Variants in MGAT4A observed in about 807,000 individuals in gnomAD.
The protein encoded by MGAT4A is N-acetylglucosaminyltransferase IVa.
MGAT4A carries 33 observed loss-of-function variants against 74.1 expected under a neutral mutation model. The ratio of observed to expected loss-of-function variants is 0.45; its 90% CI spans 0.34 to 0.60. MGAT4A has a LOEUF of 0.60. MGAT4A is among the 20% of genes least tolerant of loss of function. The pLI, the probability that MGAT4A is intolerant of heterozygous loss-of-function variation, is 0.02. For synonymous variants in MGAT4A, 198 were observed against 210.4 expected (o/e 0.94, Z 0.51); for missense variants, 479 against 628.3 (o/e 0.76, Z 2.54).
At chr2:98,656,934 G>A (rs1415357554) in intron 6 of MGAT4A, among the ~76,000 whole-genome samples, 1 of 152,200 alleles carries the variant, frequency 6.6e-6, no homozygotes, top group Non-Finnish European at 1.5e-5. Flanking sequence ...CTCAACCAGT[G>A]TTTCTCAACT....
At chr2:98,716,047 G>A (rs760291678) in intron 2 of MGAT4A, among the ~76,000 whole-genome samples, 4 of 152,166 alleles carry the variant, frequency 2.6e-5, no homozygotes, top group South Asian at 2.1e-4. Flanking sequence ...GCCAGGGTGC[G>A]GTGGCTCATG....
At chr2:98,661,942 A>G (rs957207430) in intron 5 of MGAT4A, among the ~76,000 whole-genome samples, 1 of 152,086 alleles carries the variant, frequency 6.6e-6, no homozygotes, top group African/African-American at 2.4e-5. Context: ...AGAAAATATC[A>G]GATAAATCCA....
chr2:98,660,065 C>T (rs6743739), intron 5 of MGAT4A, among the ~76,000 whole-genome samples: 3 of 42,278 alleles, frequency 7.1e-5, no homozygotes, highest in Non-Finnish European at 3.9e-5. Flanking sequence ...ATACAAACAT[C>T]GGTAGCATTT....
intron 8 of MGAT4A, among the ~76,000 whole-genome samples, chr2:98,647,647 A>G (rs1701513539): frequency 6.6e-6 from 1 of 152,120 alleles, no homozygotes; most frequent in Non-Finnish European, 1.5e-5. Flanking sequence ...GCGCTACCGT[A>G]AGACTTACTC....
In MGAT4A at chr2:98,667,368, T is replaced by A. The variant is rs187359825; in HGVS notation, c.404-4189A>T. ...GTTAACAGGCAGAGGCTGGAACAGT[T>A]TGGAGGGCTCAGAAGGCAGGAAAAT... On this transcript the variant is annotated intron_variant, in intron 4 of 15. Transcript: ENST00000393487. Among the ~76,000 whole-genome samples the A allele has an allele frequency of 3.6e-3, 545 of 152,228 alleles. 2 individuals are homozygous for A. Among genetic ancestry groups the A allele is most frequent in the Non-Finnish European group, 6.3e-3 (426 of 68,008 alleles).
At position 98,681,644 on chromosome 2, in the gene MGAT4A, T is replaced by C. The variant is rs575940165; in HGVS notation, c.95-3173A>G. On this transcript the variant is annotated intron_variant, in intron 2 of 15. Transcript: ENST00000393487. ...TAGATACTGGTTTCTCAACACCATTTGCCACTAAAATAAAATAGAACTCTT... is the reference window on the plus strand; with the variant it reads ...TAGATACTGGTTTCTCAACACCATTCGCCACTAAAATAAAATAGAACTCTT... 2.0e-5 allele frequency among the ~76,000 whole-genome samples: 3 copies of C among 152,258 alleles called. No individual in the cohort carries two copies. In the East Asian group the frequency reaches 5.8e-4, roughly 29 times the overall value.
chr2:98,725,199 T>C (rs1261966959), intron 2 of MGAT4A, among the ~76,000 whole-genome samples: 1 of 152,136 alleles, frequency 6.6e-6, no homozygotes, highest in African/African-American at 2.4e-5. Flanking sequence ...TTTTCATTCA[T>C]TTTCCCCCAA....
intron 14 of MGAT4A, among the ~76,000 whole-genome samples, chr2:98,633,807 A>G (rs1370545613): frequency 6.6e-6 from 1 of 152,234 alleles, no homozygotes; most frequent in Admixed American, 6.5e-5. Context: ...CAGAAATTTA[A>G]TAAGTGACAG....
Position 98,619,600 on chromosome 2 carries a change from A to C in MGAT4A, c.*5966T>G, listed in dbSNP as rs1398739323. 2 of 152,356 alleles carry C rather than the reference A, an allele frequency of 1.3e-5. No individual in the cohort carries two copies. The highest frequency in any genetic ancestry group is 3.9e-4 in the East Asian group (2 of 5,186). 9.4% of individuals were successfully genotyped at this position (152,356 alleles called of 1,614,324 possible). The stretch of plus-strand genomic sequence containing the variant: ...TGCCTACACTGAAATGAAAAGTATC[A>C]AATCTACTGGCAGTGCATCTTACAG... On this transcript the variant is annotated 3_prime_UTR_variant, in exon 16 of 16. Transcript: ENST00000393487.
chr2:98,623,645 AACTG>A lies in MGAT4A; in HGVS notation c.*1917_*1920del. ...AATAAAAAAATTTCAACTGGCCTTT[AACTG>A]ACATAAAAATCATTTTTGGCAATGT... On this transcript the variant is annotated 3_prime_UTR_variant, in exon 16 of 16. Transcript: ENST00000393487. The A allele has an allele frequency of 1.0e-6, 1 of 985,428 alleles. No homozygotes were observed. Among genetic ancestry groups the A allele is most frequent in the Non-Finnish European group, 1.2e-6 (1 of 829,872 alleles). 61.0% of individuals were successfully genotyped at this position (985,428 alleles called of 1,614,324 possible). A position where few individuals can be genotyped will look rare whatever the true frequency, so the allele number is the denominator to read the frequency against.
In MGAT4A at chr2:98,625,759, A is replaced by G. The variant is rs770507735; in HGVS notation, c.1545T>C (p.Val515=). 1.9e-6 allele frequency: 3 copies of G among 1,611,868 alleles called. No individual in the cohort carries two copies. The highest frequency in any genetic ancestry group is 2.5e-6 in the Non-Finnish European group (3 of 1,178,386). The change falls in exon 15 of 16, where the codon GTT becomes GTC. Residue 515 remains valine, a synonymous_variant. Transcript: ENST00000393487. The part of the protein sequence containing the change: ...LNPISAFRLS[V]IQNSAVWAIL... ...TGGCCCAAACAGCAGAATTCTGAATAACTGAAAGTCGAAAGGCTGAAATGG... is the reference window on the plus strand; with the variant it reads ...TGGCCCAAACAGCAGAATTCTGAATGACTGAAAGTCGAAAGGCTGAAATGG...
intron 12 of MGAT4A, among the ~76,000 whole-genome samples, chr2:98,637,817 T>A (rs1182653238): frequency 6.6e-6 from 1 of 152,168 alleles, no homozygotes; most frequent in Non-Finnish European, 1.5e-5. Flanking sequence ...ACTGCTCCAA[T>A]CAGTTCAGGA....
At chr2:98,642,267 A>G (rs2104238142) in intron 10 of MGAT4A, among the ~76,000 whole-genome samples, 1 of 152,238 alleles carries the variant, frequency 6.6e-6, no homozygotes, top group East Asian at 1.9e-4. Context: ...AGTGTCTGGA[A>G]CTCAGCCTGT....
intron 2 of MGAT4A, among the ~76,000 whole-genome samples, chr2:98,713,486 G>A (rs1702546708): frequency 6.6e-6 from 1 of 151,604 alleles, no homozygotes; most frequent in Non-Finnish European, 1.5e-5. Flanking sequence ...CGTAGGCCAG[G>A]CACAGTGGCT....
At chr2:98,707,167 T>C (rs1429829447) in intron 2 of MGAT4A, among the ~76,000 whole-genome samples, 3 of 152,134 alleles carry the variant, frequency 2.0e-5, no homozygotes, top group African/African-American at 7.2e-5. Flanking sequence ...TGAGCTGAGA[T>C]CACGTCATTG....
At chr2:98,728,139 G>C (rs576016016) in intron 1 of MGAT4A, among the ~76,000 whole-genome samples, 1 of 152,156 alleles carries the variant, frequency 6.6e-6, no homozygotes, top group Non-Finnish European at 1.5e-5. Flanking sequence ...CTACTAAGGA[G>C]TAAGTTGCAA....
intron 2 of MGAT4A, among the ~76,000 whole-genome samples, chr2:98,708,158 G>A (rs1702465711): frequency 1.3e-5 from 2 of 151,428 alleles, no homozygotes; most frequent in African/African-American, 4.9e-5. Flanking sequence ...TTTAAGAGAT[G>A]GGTCTCACTA....
At chr2:98,704,111 C>T (rs12468086) in intron 2 of MGAT4A, among the ~76,000 whole-genome samples, 40,577 of 152,056 alleles carry the variant, frequency 0.27, 6,334 homozygotes, top group Non-Finnish European at 0.36. Flanking sequence ...ACCATGAAAT[C>T]GCCAGTGCCT....
chr2:98,634,374 A>G (rs1186633174), intron 14 of MGAT4A, among the ~76,000 whole-genome samples: 1 of 152,192 alleles, frequency 6.6e-6, no homozygotes, highest in Non-Finnish European at 1.5e-5. Context: ...GAAAATGGCT[A>G]GAGATGTGGC....
Sources: gnomAD v4.1 joint callset for allele counts (sites outside exome capture counted in the v4.1 genomes callset) on GRCh38, gnomAD v4.1.1 for gene constraint, MANE v1.5 for transcripts, NCBI Gene and HGNC (gene_info 2026-07-23, HGNC 2026-07-21) for gene names.